Variants in COL26A1 observed in about 807,000 individuals in gnomAD.
COL26A1 encodes collagen type XXVI alpha 1 chain, also known as collagen alpha-1(XXVI) chain.
Under a neutral mutation model 59.3 loss-of-function variants are expected in COL26A1, and 41 were observed. That is an observed-to-expected ratio of 0.69 (90% CI 0.54 to 0.90). COL26A1 has a LOEUF of 0.90. COL26A1 is among the 40% of genes least tolerant of loss of function. The pLI, the probability that COL26A1 is intolerant of heterozygous loss-of-function variation, is 0.00. For synonymous variants in COL26A1, 266 were observed against 256.0 expected, an observed-to-expected ratio of 1.04 and a Z score of -0.37; for missense variants, 612 against 602.3, an observed-to-expected ratio of 1.02 and a Z score of -0.17.
At chr7:101,446,711 G>T (rs1426838620) in intron 2 of COL26A1, among the ~76,000 whole-genome samples, 1 of 152,050 alleles carries the variant, frequency 6.6e-6, no homozygotes, top group Non-Finnish European at 1.5e-5. Flanking sequence ...GCTGGGCCTG[G>T]TGGCACACAC....
chr7:101,439,337 GAGA>G (rs1176502824), intron 2 of COL26A1, among the ~76,000 whole-genome samples: 1 of 36 alleles, frequency 0.028, no homozygotes. Context: ...GAAAGAGAGA[GAGA>G]CAAGAAAGAC....
At chr7:101,458,974 T>A (rs1584425262) in intron 3 of COL26A1, among the ~76,000 whole-genome samples, 2 of 152,076 alleles carry the variant, frequency 1.3e-5, no homozygotes, top group Admixed American at 6.6e-5. Context: ...GCTAATTTTT[T>A]AATTTATTTC....
At chr7:101,384,614 C>T (rs1791525094) in intron 1 of COL26A1, among the ~76,000 whole-genome samples, 1 of 152,096 alleles carries the variant, frequency 6.6e-6, no homozygotes, top group Non-Finnish European at 1.5e-5. Context: ...AGCTATTGCA[C>T]CTGGCCAGTG....
chr7:101,417,914 A>G (rs1792417277), intron 1 of COL26A1, among the ~76,000 whole-genome samples: 2 of 151,828 alleles, frequency 1.3e-5, no homozygotes, highest in Non-Finnish European at 2.9e-5. Flanking sequence ...TAGTAGAGAC[A>G]GGGTTTCTCC....
At chr7:101,448,621 C>T (rs956899772) in intron 3 of COL26A1, among the ~76,000 whole-genome samples, 4 of 152,014 alleles carry the variant, frequency 2.6e-5, no homozygotes, top group Non-Finnish European at 4.4e-5. Flanking sequence ...CCCTCCTGTG[C>T]AGTTGGGACT....
At chr7:101,392,080 G>A (rs1165739980) in intron 1 of COL26A1, among the ~76,000 whole-genome samples, 2 of 152,024 alleles carry the variant, frequency 1.3e-5, no homozygotes, top group African/African-American at 4.8e-5. Context: ...GAAGTGTATG[G>A]GCCTGAGACA....
At chr7:101,459,390 C>A (rs1357318916) in intron 3 of COL26A1, among the ~76,000 whole-genome samples, 1 of 152,072 alleles carries the variant, frequency 6.6e-6, no homozygotes, top group Non-Finnish European at 1.5e-5. Context: ...ACCTCTGCCT[C>A]CTGGGCTGAA....
intron 1 of COL26A1, among the ~76,000 whole-genome samples, chr7:101,394,992 C>G (rs958205895): frequency 1.3e-5 from 2 of 150,938 alleles, no homozygotes; most frequent in African/African-American, 4.9e-5. Context: ...CGTGCCCCAG[C>G]CCCTTGAATA....
chr7:101,401,702 G>A (rs972276218), intron 1 of COL26A1, among the ~76,000 whole-genome samples: 6 of 131,920 alleles, frequency 4.5e-5, no homozygotes, highest in Non-Finnish European at 9.7e-5. Context: ...AGGAGGAAGA[G>A]TAGGAGGTAG....
At chr7:101,382,468 A>G (rs145660554) in intron 1 of COL26A1, among the ~76,000 whole-genome samples, 2 of 152,188 alleles carry the variant, frequency 1.3e-5, no homozygotes. Context: ...ATCATATAAT[A>G]AATTTCCCTA....
chr7:101,530,610 CT>C (rs1795345910), intron 3 of COL26A1, among the ~76,000 whole-genome samples: 1 of 151,228 alleles, frequency 6.6e-6, no homozygotes, highest in Admixed American at 6.6e-5. Context: ...TGAAAGCCCC[CT>C]GGACGCCAGG....
At position 101,463,362 on chromosome 7, in the gene COL26A1, G is replaced by A. The variant is rs531252767; in HGVS notation, c.385+15575G>A. Among the ~76,000 whole-genome samples, 117 of 152,236 alleles carry A rather than the reference G, an allele frequency of 7.7e-4. 1 individual carries two copies. Among genetic ancestry groups the A allele is most frequent in the African/African-American group, 2.7e-3 (113 of 41,550 alleles). On this transcript the variant is annotated intron_variant, in intron 3 of 12. Coordinates refer to ENST00000313669, the MANE Select transcript of COL26A1 (RefSeq NM_001278563.3). Reference sequence around the variant, plus strand: ...TCAGAATTTCCTTCCTTTAAAGGCTGAATGATATTCCACTGTAGGGATATT... The same window carrying A: ...TCAGAATTTCCTTCCTTTAAAGGCTAAATGATATTCCACTGTAGGGATATT...
chr7:101,514,611 C>A (rs73411666), intron 3 of COL26A1, among the ~76,000 whole-genome samples: 8,471 of 152,194 alleles, frequency 0.056, 807 homozygotes, highest in African/African-American at 0.19. Flanking sequence ...GGGTCTTACC[C>A]CAGGCTCTGG....
At chr7:101,377,445 G>A (rs1791345125) in intron 1 of COL26A1, among the ~76,000 whole-genome samples, 1 of 151,882 alleles carries the variant, frequency 6.6e-6, no homozygotes, top group Admixed American at 6.6e-5. Flanking sequence ...TTTTTTTGGA[G>A]CCAGGGTCTC....
intron 3 of COL26A1, among the ~76,000 whole-genome samples, chr7:101,457,985 C>G (rs1793519264): frequency 1.3e-5 from 2 of 151,550 alleles, no homozygotes; most frequent in African/African-American, 2.4e-5. Context: ...CAACCTCCGC[C>G]TCCTGGGTTC....
intron 3 of COL26A1, among the ~76,000 whole-genome samples, chr7:101,454,414 A>C (rs1235788849): frequency 6.6e-6 from 1 of 151,726 alleles, no homozygotes; most frequent in Non-Finnish European, 1.5e-5. Flanking sequence ...GCCCGCCACC[A>C]CACCCAGCTA....
chr7:101,540,162 C>A, intron 5 of COL26A1, 113 bp downstream of exon 5: 1 of 1,121,730 alleles, frequency 8.9e-7, no homozygotes, highest in Non-Finnish European at 1.2e-6. Flanking sequence ...TCCAACATGC[C>A]ATGTGGCATT....
chr7:101,417,499 T>G (rs958670056), intron 1 of COL26A1, among the ~76,000 whole-genome samples: 2 of 143,382 alleles, frequency 1.4e-5, no homozygotes, highest in South Asian at 4.4e-4. Flanking sequence ...CCTAATATCT[T>G]TTTTTTTTTT....
At chr7:101,539,375 G>A (rs140045545) in intron 4 of COL26A1, among the ~76,000 whole-genome samples, 58 of 148,986 alleles carry the variant, frequency 3.9e-4, no homozygotes, top group Middle Eastern at 3.5e-3. Flanking sequence ...ATGTGGTCTC[G>A]ATCTGTCACC....
Sources: gnomAD v4.1 joint callset for allele counts (sites outside exome capture counted in the v4.1 genomes callset) on GRCh38, gnomAD v4.1.1 for gene constraint, MANE v1.5 for transcripts, NCBI Gene and HGNC (gene_info 2026-07-23, HGNC 2026-07-21) for gene names.